ADAMTSL1: variants seen among roughly 807,000 people sequenced by gnomAD.
ADAMTSL1 encodes ADAMTS like 1.
Under a neutral mutation model 201.8 loss-of-function variants are expected in ADAMTSL1, and 126 were observed. The ratio of observed to expected loss-of-function variants is 0.62; its 90% confidence interval spans 0.54 to 0.72. The LOEUF is 0.72. Ranked by LOEUF, ADAMTSL1 falls within the 30% of genes least tolerant of loss-of-function variation. The pLI is 0.00. For synonymous variants in ADAMTSL1, 1,121 were observed against 903.4 expected (o/e 1.24, Z -4.32); for missense variants, 2,679 against 2,277.8 (o/e 1.18, Z -3.59).
At chr9:17,913,461 G>A (rs1173640272) in intron 1 of ADAMTSL1, among the ~76,000 whole-genome samples, 1 of 152,114 alleles carries the variant, frequency 6.6e-6, no homozygotes, top group East Asian at 1.9e-4. Context: ...TGAAGCAATT[G>A]TGAATGGGAG....
At chr9:18,741,737 A>C (rs1818840377) in intron 15 of ADAMTSL1, among the ~76,000 whole-genome samples, 1 of 152,200 alleles carries the variant, frequency 6.6e-6, no homozygotes, top group South Asian at 2.1e-4. Context: ...GTCTGCCAGC[A>C]ATCTTTAGCA....
chr9:18,224,672 T>C lies in ADAMTSL1; in HGVS notation c.207+60691T>C, dbSNP rs566548922. Reference sequence around the variant, plus strand: ...ACATCCTATGGATCCCCTAAAGTGTTACCTAGGCCACAGGTAGCCATTCCT... The same window carrying C: ...ACATCCTATGGATCCCCTAAAGTGTCACCTAGGCCACAGGTAGCCATTCCT... On this transcript the variant is annotated intron_variant, in intron 2 of 29. Coordinates refer to the ADAMTSL1 transcript ENST00000680146. 7.8e-4 allele frequency among the ~76,000 whole-genome samples: 119 copies of C among 152,238 alleles called. 1 individual carries two copies. The highest frequency in any genetic ancestry group is 2.8e-3 in the African/African-American group (115 of 41,562).
At chr9:18,119,149 T>C (rs4961623) in intron 1 of ADAMTSL1, among the ~76,000 whole-genome samples, 64,754 of 152,048 alleles carry the variant, frequency 0.43, 14,533 homozygotes, top group East Asian at 0.57. Flanking sequence ...TTAAAATGGG[T>C]CAGAACAGTA....
At chr9:18,516,120 T>G (rs1818353539) in intron 2 of ADAMTSL1, among the ~76,000 whole-genome samples, 1 of 148,546 alleles carries the variant, frequency 6.7e-6, no homozygotes, top group Non-Finnish European at 1.5e-5. Flanking sequence ...AAGAAAGATT[T>G]CCTAATGCTA....
intron 23 of ADAMTSL1, among the ~76,000 whole-genome samples, chr9:18,852,422 T>C (rs931073437): frequency 6.6e-6 from 1 of 152,178 alleles, no homozygotes; most frequent in Non-Finnish European, 1.5e-5. Flanking sequence ...CCCTGGCCAC[T>C]GGAAGTGGAA....
intron 1 of ADAMTSL1, among the ~76,000 whole-genome samples, chr9:17,981,419 A>G (rs932526016): frequency 3.3e-5 from 5 of 152,184 alleles, no homozygotes; most frequent in Non-Finnish European, 7.3e-5. Flanking sequence ...TATTTTGGTC[A>G]TTTAAACATC....
intron 24 of ADAMTSL1, among the ~76,000 whole-genome samples, chr9:18,889,173 G>A (rs1206796314): frequency 6.6e-6 from 1 of 152,120 alleles, no homozygotes; most frequent in Non-Finnish European, 1.5e-5. Context: ...ATATATCTTT[G>A]TAGAAAACAA....
intron 14 of ADAMTSL1, among the ~76,000 whole-genome samples, chr9:18,712,260 T>C (rs7469878): frequency 2.6e-5 from 4 of 152,194 alleles, no homozygotes; most frequent in African/African-American, 7.2e-5. Context: ...ATGACTTTGA[T>C]GAGCTGAGAG....
chr9:18,029,630 A>T (rs557813942), intron 1 of ADAMTSL1, among the ~76,000 whole-genome samples: 1 of 151,930 alleles, frequency 6.6e-6, no homozygotes, highest in South Asian at 2.1e-4. Flanking sequence ...ATGGGAGAAA[A>T]TTTTCGCAAC....
At chr9:18,530,695 C>A (rs1226326172) in intron 2 of ADAMTSL1, among the ~76,000 whole-genome samples, 1 of 152,132 alleles carries the variant, frequency 6.6e-6, no homozygotes, top group Non-Finnish European at 1.5e-5. Context: ...ATTTATCTAA[C>A]ATCTACATAA....
intron 1 of ADAMTSL1, among the ~76,000 whole-genome samples, chr9:18,001,327 A>G (rs1245689078): frequency 6.6e-6 from 1 of 152,080 alleles, no homozygotes; most frequent in African/African-American, 2.4e-5. Flanking sequence ...TAACTGTCCA[A>G]ACATATGAAT....
At chr9:18,435,078 A>T (rs1819666694) in intron 2 of ADAMTSL1, among the ~76,000 whole-genome samples, 1 of 152,216 alleles carries the variant, frequency 6.6e-6, no homozygotes, top group Non-Finnish European at 1.5e-5. Flanking sequence ...TTGAGATGTC[A>T]TGGCACAGCA....
chr9:18,374,703 C>T (rs983245368), intron 2 of ADAMTSL1, among the ~76,000 whole-genome samples: 3 of 152,146 alleles, frequency 2.0e-5, no homozygotes, highest in Admixed American at 6.5e-5. Context: ...TTAAAGCAAA[C>T]GCATTGTACA....
chr9:18,779,565 C>A (rs1821264209), intron 19 of ADAMTSL1, among the ~76,000 whole-genome samples: 1 of 152,236 alleles, frequency 6.6e-6, no homozygotes, highest in Non-Finnish European at 1.5e-5. Context: ...TGAACACAGG[C>A]AGCATGCCCC....
chr9:18,659,074 T>C (rs1828895446), intron 8 of ADAMTSL1, among the ~76,000 whole-genome samples: 1 of 152,236 alleles, frequency 6.6e-6, no homozygotes, highest in Non-Finnish European at 1.5e-5. Flanking sequence ...TGTCTATTCT[T>C]TTGAAAATTA....
At chr9:18,061,583 G>A (rs1463589075) in intron 1 of ADAMTSL1, among the ~76,000 whole-genome samples, 1 of 152,144 alleles carries the variant, frequency 6.6e-6, no homozygotes, top group African/African-American at 2.4e-5. Flanking sequence ...TCTAACAGCT[G>A]TATGTGAAAA....
At chr9:18,063,855 C>T (rs1208322285) in intron 1 of ADAMTSL1, among the ~76,000 whole-genome samples, 1 of 152,164 alleles carries the variant, frequency 6.6e-6, no homozygotes, top group Non-Finnish European at 1.5e-5. Context: ...CTGCCTCTTG[C>T]TGTTGCAGAG....
Position 18,874,392 on chromosome 9 carries a change from T to C in ADAMTSL1, c.4250-13439T>C, listed in dbSNP as rs11534166. ...TCTTGTTCTGGTTCTCAGGGAGAACTTTTCCCCATTCAGTATAGTGTTGGC... is the reference window on the plus strand; with the variant it reads ...TCTTGTTCTGGTTCTCAGGGAGAACCTTTCCCCATTCAGTATAGTGTTGGC... On this transcript the variant is annotated intron_variant, in intron 23 of 28. Transcript: ENST00000380548. Among the ~76,000 whole-genome samples the C allele has an allele frequency of 9.9e-3, 1,505 of 152,040 alleles. 68 individuals carry two copies. The East Asian group carries it at 0.14, about 14-fold the overall frequency.
intron 1 of ADAMTSL1, among the ~76,000 whole-genome samples, chr9:18,490,571 C>T (rs1822220987): frequency 6.6e-6 from 1 of 152,006 alleles, no homozygotes; most frequent in Non-Finnish European, 1.5e-5. Context: ...TTGTAAATCA[C>T]ATGCAAGGAG....
Sources: gnomAD v4.1 joint callset for allele counts (sites outside exome capture counted in the v4.1 genomes callset) on GRCh38, gnomAD v4.1.1 for gene constraint, MANE v1.5 for transcripts, NCBI Gene and HGNC (gene_info 2026-07-23, HGNC 2026-07-21) for gene names.